PAPSS1: variants seen among roughly 807,000 people sequenced by gnomAD.
The protein encoded by PAPSS1 is bifunctional 3'-phosphoadenosine 5'-phosphosulfate synthase 1.
In PAPSS1, 50 loss-of-function variants were observed where a neutral mutation model predicts 72.0. The ratio of observed to expected loss-of-function variants is 0.69; its 90% CI spans 0.55 to 0.88. The LOEUF is 0.88. Among genes scored for constraint, PAPSS1 ranks in the 40% least tolerant of loss-of-function variants. PAPSS1 has a pLI of 0.00. For missense variants in PAPSS1, 657 were observed against 782.2 expected, an observed-to-expected ratio of 0.84 and a Z score of 1.91; for synonymous variants, 261 against 263.6, an observed-to-expected ratio of 0.99 and a Z score of 0.09.
chr4:107,637,870 C>T, intron 10 of PAPSS1, among the ~76,000 whole-genome samples: 1 of 152,136 alleles, frequency 6.6e-6, no homozygotes, highest in East Asian at 1.9e-4. Context: ...AAAATCTATA[C>T]CTTAATTAAT....
chr4:107,680,294 G>T (rs1385028763), intron 5 of PAPSS1, among the ~76,000 whole-genome samples: 1 of 150,810 alleles, frequency 6.6e-6, no homozygotes, highest in Non-Finnish European at 1.5e-5. Context: ...AAAATCCAAG[G>T]AGTACCACAA....
chr4:107,690,907 G>T (rs566555751), intron 3 of PAPSS1, among the ~76,000 whole-genome samples: 1 of 151,954 alleles, frequency 6.6e-6, no homozygotes, highest in Non-Finnish European at 1.5e-5. Context: ...CCCCTTTTCC[G>T]AGAGCTGCAA....
At chr4:107,633,888 C>T (rs1215151642) in intron 10 of PAPSS1, among the ~76,000 whole-genome samples, 2 of 133,364 alleles carry the variant, frequency 1.5e-5, no homozygotes, top group South Asian at 2.4e-4. Flanking sequence ...CACTGCAGTC[C>T]GGCCTGGGCG....
intron 3 of PAPSS1, among the ~76,000 whole-genome samples, chr4:107,690,030 C>T (rs910920505): frequency 5.3e-5 from 8 of 152,152 alleles, no homozygotes; most frequent in African/African-American, 1.7e-4. Flanking sequence ...AGTCCCATTG[C>T]TGCTGCTTGA....
chr4:107,652,672 C>T (rs575166615), intron 9 of PAPSS1, among the ~76,000 whole-genome samples: 1 of 152,176 alleles, frequency 6.6e-6, no homozygotes, highest in Non-Finnish European at 1.5e-5. Context: ...GATAAAAGTT[C>T]CGTTGTTCCA....
chr4:107,668,376 G>A (rs1026979744), intron 5 of PAPSS1, among the ~76,000 whole-genome samples: 10 of 152,152 alleles, frequency 6.6e-5, no homozygotes, highest in African/African-American at 2.4e-4. Flanking sequence ...ACTGTTGATG[G>A]TCTCCATCTC....
chr4:107,659,951 G>C lies in PAPSS1; in HGVS notation c.783+8C>G. 1.4e-6 allele frequency: 2 copies of C among 1,467,568 alleles called. No homozygotes were observed. The highest frequency in any genetic ancestry group is 2.8e-5 in the African/African-American group (2 of 72,028). The allele number at this position is 1,467,568 out of a possible 1,614,324, so 90.9% of individuals were successfully genotyped here. Reference sequence around the variant, plus strand: ...ATCACTTAGTGTGAAAAGCAACGAAGAACTTACTTTATTAATTTTCAGTGC... The same window carrying C: ...ATCACTTAGTGTGAAAAGCAACGAACAACTTACTTTATTAATTTTCAGTGC... On this transcript the variant is annotated splice_region_variant and intron_variant, in intron 6 of 11. Coordinates refer to ENST00000265174, the MANE Select transcript of PAPSS1 (RefSeq NM_005443.5).
At chr4:107,658,822 T>C (rs572937714) in intron 6 of PAPSS1, among the ~76,000 whole-genome samples, 23 of 152,160 alleles carry the variant, frequency 1.5e-4, no homozygotes, top group Non-Finnish European at 1.0e-4. Context: ...TCAAAATTCC[T>C]ATACTGAAGG....
Position 107,656,873 on chromosome 4 carries a change from AT to A in PAPSS1, c.895+22del, listed in dbSNP as rs764942966. ...TAATTTCTCTTCCACATACAATATA[AT>A]TTTGAATGTAAAATGTCTTACCATC... On this transcript the variant is annotated intron_variant, in intron 7 of 11. Transcript: ENST00000265174. The A allele has an allele frequency of 9.0e-6, 13 of 1,439,780 alleles. No individual in the cohort carries two copies. In the African/African-American group the frequency reaches 1.5e-4, roughly 17 times the overall value. The allele number at this position is 1,439,780 out of a possible 1,614,324, so 89.2% of individuals were successfully genotyped here. A position where few individuals can be genotyped will look rare whatever the true frequency, so the allele number is the denominator to read the frequency against.
At chr4:107,665,050 G>A (rs1727280544) in intron 5 of PAPSS1, among the ~76,000 whole-genome samples, 1 of 152,090 alleles carries the variant, frequency 6.6e-6, no homozygotes, top group South Asian at 2.1e-4. Context: ...ACATTCGAAA[G>A]GTTGCTACTG....
intron 5 of PAPSS1, among the ~76,000 whole-genome samples, chr4:107,662,063 A>C (rs532930588): frequency 6.6e-6 from 1 of 152,372 alleles, no homozygotes; most frequent in African/African-American, 2.4e-5. Context: ...AATTAAAAAA[A>C]TAAATAAATA....
intron 6 of PAPSS1, among the ~76,000 whole-genome samples, chr4:107,659,205 G>T (rs1039599481): frequency 3.3e-5 from 5 of 152,182 alleles, no homozygotes; most frequent in African/African-American, 1.2e-4. Flanking sequence ...CACAGAAAGT[G>T]TACCAATATA....
chr4:107,634,649 G>T (rs994391460), intron 10 of PAPSS1, among the ~76,000 whole-genome samples: 1 of 151,852 alleles, frequency 6.6e-6, no homozygotes, highest in Admixed American at 6.6e-5. Flanking sequence ...GGTTCATAGG[G>T]TTCCTAACTC....
At chr4:107,644,753 T>G in intron 10 of PAPSS1, 49 bp downstream of exon 10, 2 of 1,537,358 alleles carry the variant, frequency 1.3e-6, no homozygotes, top group Non-Finnish European at 1.8e-6. Flanking sequence ...GCTGTGTTAG[T>G]AAGAGTGGCT....
At chr4:107,683,969 C>CAT (rs1352726856) in intron 4 of PAPSS1, among the ~76,000 whole-genome samples, 1 of 135,562 alleles carries the variant, frequency 7.4e-6, no homozygotes, top group African/African-American at 2.5e-5. Context: ...CATACAGACA[C>CAT]ACACACAAAC....
At chr4:107,664,684 A>G (rs571506049) in intron 5 of PAPSS1, among the ~76,000 whole-genome samples, 12 of 152,272 alleles carry the variant, frequency 7.9e-5, no homozygotes, top group Non-Finnish European at 1.6e-4. Context: ...TGTACAAATA[A>G]TTTGTGATCA....
At chr4:107,696,600 G>A (rs997337686) in intron 2 of PAPSS1, among the ~76,000 whole-genome samples, 1 of 152,040 alleles carries the variant, frequency 6.6e-6, no homozygotes, top group Non-Finnish European at 1.5e-5. Context: ...GTAGGTAGGG[G>A]AGGGAAAGCA....
chr4:107,669,040 C>T (rs1486461058), intron 5 of PAPSS1, among the ~76,000 whole-genome samples: 1 of 152,144 alleles, frequency 6.6e-6, no homozygotes, highest in Non-Finnish European at 1.5e-5. Context: ...TCCCCTTCAC[C>T]TCCCAATCTA....
At chr4:107,641,190 A>C (rs1726531578) in intron 10 of PAPSS1, among the ~76,000 whole-genome samples, 1 of 152,096 alleles carries the variant, frequency 6.6e-6, no homozygotes, top group Non-Finnish European at 1.5e-5. Context: ...TTTATTGAGA[A>C]TCCTCTACTC....
Sources: gnomAD v4.1 joint callset for allele counts (sites outside exome capture counted in the v4.1 genomes callset) on GRCh38, gnomAD v4.1.1 for gene constraint, MANE v1.5 for transcripts, NCBI Gene and HGNC (gene_info 2026-07-23, HGNC 2026-07-21) for gene names.